Variants in DNAAF11 observed in about 807,000 individuals in gnomAD.
The protein encoded by DNAAF11 is leucine rich repeat containing 6.
In DNAAF11, 45 loss-of-function variants were observed where a neutral mutation model predicts 60.8. The observed-to-expected ratio is 0.74, with a 90% CI of 0.58 to 0.95. DNAAF11 has a LOEUF of 0.95. Among genes scored for constraint, DNAAF11 ranks in the 40% least tolerant of loss-of-function variants. The pLI is 0.00. For synonymous variants in DNAAF11, 191 were observed against 183.5 expected (o/e 1.04, Z -0.33); for missense variants, 546 against 546.2 (o/e 1.00, Z 0.00).
chr8:132,614,197 GTGGGGCA>G (rs1818929316), intron 8 of DNAAF11, among the ~76,000 whole-genome samples: 6 of 152,200 alleles, frequency 3.9e-5, no homozygotes, highest in African/African-American at 1.4e-4. Context: ...ATGTCAGATG[GTGGGGCA>G]GAGAGGCCCC....
intron 3 of DNAAF11, among the ~76,000 whole-genome samples, chr8:132,644,060 T>C (rs575968758): frequency 6.6e-5 from 10 of 152,272 alleles, no homozygotes; most frequent in Non-Finnish European, 1.5e-4. Flanking sequence ...AACAAAATAA[T>C]TATTTCTATT....
intron 10 of DNAAF11, among the ~76,000 whole-genome samples, chr8:132,599,658 A>G (rs1206468932): frequency 1.3e-5 from 2 of 152,240 alleles, no homozygotes; most frequent in East Asian, 3.8e-4. Context: ...ATATAAACAG[A>G]ACCAAAGACA....
At chr8:132,592,316 G>A (rs1372575686) in intron 10 of DNAAF11, among the ~76,000 whole-genome samples, 1 of 152,166 alleles carries the variant, frequency 6.6e-6, no homozygotes, top group Non-Finnish European at 1.5e-5. Context: ...GGGGCTCAGG[G>A]AAATTTCCCG....
At chr8:132,698,283 C>T in the DNAAF11 span, among the ~76,000 whole-genome samples, 331 of 152,268 alleles carry the variant, frequency 2.2e-3, 1 homozygote, top group African/African-American at 6.3e-3. Flanking sequence ...TTTGTGCTAA[C>T]GAGAAACCTG....
intron 10 of DNAAF11, among the ~76,000 whole-genome samples, chr8:132,598,621 G>C (rs753602948): frequency 6.6e-6 from 1 of 152,172 alleles, no homozygotes; most frequent in African/African-American, 2.4e-5. Flanking sequence ...TTTTCAGTTT[G>C]TGCAGTGGGT....
chr8:132,591,678 A>G (rs1816482964), intron 10 of DNAAF11, among the ~76,000 whole-genome samples: 1 of 152,054 alleles, frequency 6.6e-6, no homozygotes, highest in Non-Finnish European at 1.5e-5. Flanking sequence ...ACCTCACTAA[A>G]ATGTAAACTC....
At position 132,580,320 on chromosome 8, in the gene DNAAF11, G is replaced by A. The variant is rs117888399; in HGVS notation, c.1226+3374C>T. ...GAAATACAAGAGATAAGGATCAATC[G>A]GAAAGCAAGCAAGCAAGCTGTGGTT... is the stretch of plus-strand genomic sequence containing the variant. On this transcript the variant is annotated intron_variant, in intron 11 of 11. Transcript: ENST00000620350. Among the ~76,000 whole-genome samples the A allele has an allele frequency of 2.7e-4, 41 of 152,208 alleles. No homozygotes were observed. The East Asian group carries it at 7.3e-3, about 27-fold the overall frequency.
At chr8:132,690,416 G>T in the DNAAF11 span, among the ~76,000 whole-genome samples, 4 of 152,130 alleles carry the variant, frequency 2.6e-5, no homozygotes, top group African/African-American at 7.2e-5. Context: ...CTTCCACCAC[G>T]ATTGTAAGTT....
intron 1 of DNAAF11, chr8:132,675,157 C>T (rs140024594): frequency 5.7e-6 from 2 of 350,014 alleles, no homozygotes; most frequent in African/African-American, 4.2e-5. Flanking sequence ...TTGGCCGGAA[C>T]GTGGTGTGTC....
chr8:132,586,224 G>A (rs372926748), intron 10 of DNAAF11, among the ~76,000 whole-genome samples: 239 of 152,276 alleles, frequency 1.6e-3, no homozygotes, highest in Admixed American at 5.3e-3. Flanking sequence ...TAATACATGT[G>A]CAGCAGTGCT....
chr8:132,694,302 A>T, the DNAAF11 span, among the ~76,000 whole-genome samples: 1 of 152,202 alleles, frequency 6.6e-6, no homozygotes, highest in South Asian at 2.1e-4. Flanking sequence ...AGAGTTAATG[A>T]AATTAAGGTA....
Position 132,577,394 on chromosome 8 carries a change from T to C in DNAAF11, c.1227-4914A>G, listed in dbSNP as rs73710292. 7.4e-3 allele frequency among the ~76,000 whole-genome samples: 1,123 copies of C among 152,346 alleles called. 16 individuals are homozygous for C. The highest frequency in any genetic ancestry group is 0.026 in the African/African-American group (1,061 of 41,582). The stretch of plus-strand genomic sequence containing the variant: ...ACATTTTTAAGTCTATCTTAGGTAT[T>C]CTATTACTCGTAGCCAAATATATCC... On this transcript the variant is annotated intron_variant, in intron 11 of 11. Transcript: ENST00000620350.
intron 10 of DNAAF11, among the ~76,000 whole-genome samples, chr8:132,585,739 A>G (rs1815826204): frequency 6.6e-6 from 1 of 152,212 alleles, no homozygotes; most frequent in South Asian, 2.1e-4. Flanking sequence ...ATTATCAAAC[A>G]TGGTTTATTT....
the DNAAF11 span, among the ~76,000 whole-genome samples, chr8:132,682,555 T>C: frequency 6.6e-6 from 1 of 152,356 alleles, no homozygotes; most frequent in Non-Finnish European, 1.5e-5. Context: ...CTAATTTTAA[T>C]ACACTGACTG....
intron 2 of DNAAF11, among the ~76,000 whole-genome samples, chr8:132,658,644 A>T (rs1376325206): frequency 6.6e-6 from 1 of 152,212 alleles, no homozygotes; most frequent in African/African-American, 2.4e-5. Context: ...CTATGTGCTA[A>T]GAACTATGAG....
Position 132,639,169 on chromosome 8 carries a change from GC to G in DNAAF11, c.257-1063del, listed in dbSNP as rs139438769. ...GGACAATGTACCTATGTGGAAAGAA[GC>G]AAGCACAGCTGTCTCATGAGCAGAA... On this transcript the variant is annotated intron_variant, in intron 3 of 11. Transcript: ENST00000620350. Among the ~76,000 whole-genome samples the G allele has an allele frequency of 2.6e-5, 4 of 152,348 alleles. No homozygotes were observed. The East Asian group carries it at 7.7e-4, about 29-fold the overall frequency.
intron 8 of DNAAF11, among the ~76,000 whole-genome samples, chr8:132,612,757 G>A (rs918939260): frequency 3.3e-5 from 5 of 152,116 alleles, no homozygotes; most frequent in African/African-American, 1.2e-4. Context: ...AGGCGTGAAC[G>A]AATGAATTTA....
chr8:132,573,553 T>C (rs1247299484), intron 11 of DNAAF11, among the ~76,000 whole-genome samples: 2 of 152,206 alleles, frequency 1.3e-5, no homozygotes, highest in Non-Finnish European at 1.5e-5. Context: ...ATTGAATAAA[T>C]ATTGTTGAAT....
the DNAAF11 span, among the ~76,000 whole-genome samples, chr8:132,686,722 C>A: frequency 6.6e-6 from 1 of 152,080 alleles, no homozygotes; most frequent in Non-Finnish European, 1.5e-5. Context: ...CTGGAACTTA[C>A]TTTGAGAAAA....
Sources: allele counts gnomAD v4.1 joint callset (sites outside exome capture counted in the v4.1 genomes callset), GRCh38; gene constraint gnomAD v4.1.1; transcripts MANE v1.5; gene names NCBI Gene and HGNC (gene_info 2026-07-23, HGNC 2026-07-21).